Variants in NEGR1 observed in about 807,000 individuals in gnomAD.
The protein encoded by NEGR1 is neuronal growth regulator 1, also known as IgLON family member 4.
NEGR1 carries 10 observed loss-of-function variants against 40.9 expected under a neutral mutation model. The observed-to-expected ratio is 0.24, with a 90% confidence interval of 0.15 to 0.42. NEGR1 has a LOEUF of 0.42. Ranked by LOEUF, NEGR1 falls within the 10% of genes least tolerant of loss-of-function variation. The pLI, the probability that NEGR1 is intolerant of heterozygous loss-of-function variation, is 1.00. For missense variants in NEGR1, 352 were observed against 438.9 expected, an observed-to-expected ratio of 0.80 and a Z score of 1.77; for synonymous variants, 185 against 166.8, an observed-to-expected ratio of 1.11 and a Z score of -0.84.
intron 4 of NEGR1, among the ~76,000 whole-genome samples, chr1:71,646,403 A>G (rs1167830427): frequency 6.6e-6 from 1 of 151,842 alleles, no homozygotes; most frequent in Non-Finnish European, 1.5e-5. Context: ...GGCTCTGAAT[A>G]TAACTGACCT....
chr1:71,981,318 A>G (rs1182689738), intron 1 of NEGR1, among the ~76,000 whole-genome samples: 2 of 152,154 alleles, frequency 1.3e-5, no homozygotes, highest in Non-Finnish European at 2.9e-5. Flanking sequence ...AGCAGAGGAT[A>G]CAATGCCCAG....
intron 3 of NEGR1, 31 bp downstream of exon 3, chr1:71,776,141 C>T (rs770498219): frequency 1.9e-6 from 3 of 1,576,826 alleles, no homozygotes; most frequent in Non-Finnish European, 2.6e-6. Flanking sequence ...AAATGAACAG[C>T]ACAAACAACA....
At chr1:72,086,777 T>G (rs1028192509) in intron 1 of NEGR1, among the ~76,000 whole-genome samples, 8 of 152,334 alleles carry the variant, frequency 5.3e-5, no homozygotes, top group African/African-American at 1.9e-4. Context: ...CGTGTTATAT[T>G]TATTATGATA....
At chr1:72,155,817 G>A (rs778188338) in intron 1 of NEGR1, among the ~76,000 whole-genome samples, 2 of 152,078 alleles carry the variant, frequency 1.3e-5, no homozygotes, top group Non-Finnish European at 2.9e-5. Context: ...TGATCATAAA[G>A]GCAATGTGAC....
At chr1:72,067,312 G>C (rs1352056581) in intron 1 of NEGR1, among the ~76,000 whole-genome samples, 3 of 151,978 alleles carry the variant, frequency 2.0e-5, no homozygotes, top group Non-Finnish European at 4.4e-5. Flanking sequence ...CCCTTAATGA[G>C]TGTTCTGCTC....
intron 6 of NEGR1, among the ~76,000 whole-genome samples, chr1:71,580,666 G>A (rs978729658): frequency 5.9e-5 from 9 of 152,046 alleles, no homozygotes; most frequent in African/African-American, 1.9e-4. Flanking sequence ...AGTTATATAA[G>A]AGGATAAAGA....
rs183644427 is a variant in NEGR1 at position 72,260,477 on chromosome 1, A to C, written c.176+21842T>G. On this transcript the variant is annotated intron_variant, in intron 1 of 6. Coordinates refer to ENST00000357731, the MANE Select transcript of NEGR1 (RefSeq NM_173808.3). ...TTTAGAATACACACATTTTATAAAA[A>C]TAAGTCCTCAAACCATTCTATAAAA... Among the ~76,000 whole-genome samples, 647 of 152,226 alleles carry C rather than the reference A, an allele frequency of 4.3e-3. 3 individuals are homozygous for C. Among genetic ancestry groups the C allele is most frequent in the South Asian group, 7.2e-3 (35 of 4,832 alleles).
At chr1:71,846,288 G>A (rs1266470139) in intron 2 of NEGR1, among the ~76,000 whole-genome samples, 1 of 151,928 alleles carries the variant, frequency 6.6e-6, no homozygotes, top group Non-Finnish European at 1.5e-5. Flanking sequence ...CTAGGAGTCC[G>A]ATTAGCCACA....
intron 1 of NEGR1, among the ~76,000 whole-genome samples, chr1:71,984,735 T>C (rs944614111): frequency 1.8e-4 from 28 of 152,254 alleles, no homozygotes; most frequent in African/African-American, 6.5e-4. Flanking sequence ...AGTAAATATC[T>C]TAATATTATT....
chr1:72,056,855 A>G (rs1647115446), intron 1 of NEGR1, among the ~76,000 whole-genome samples: 1 of 151,534 alleles, frequency 6.6e-6, no homozygotes, highest in African/African-American at 2.4e-5. Flanking sequence ...TTAATCACTG[A>G]TATCTACTAA....
intron 6 of NEGR1, among the ~76,000 whole-genome samples, chr1:71,560,429 T>TTTTATATATATATATATATA (rs1553150203): frequency 3.5e-5 from 4 of 114,266 alleles, no homozygotes; most frequent in African/African-American, 6.0e-5. Context: ...TAATTCTCCA[T>TTTTATATATATATATATATA]TATATATATA....
chr1:72,116,474 G>A (rs569831983), intron 1 of NEGR1, among the ~76,000 whole-genome samples: 5 of 151,648 alleles, frequency 3.3e-5, no homozygotes. Context: ...AGTCATATGC[G>A]GACTTCATGA....
intron 1 of NEGR1, among the ~76,000 whole-genome samples, chr1:72,004,898 T>A (rs1646592769): frequency 6.6e-6 from 1 of 152,082 alleles, no homozygotes; most frequent in South Asian, 2.1e-4. Flanking sequence ...AGAATTGAAA[T>A]CTTACAATTC....
At chr1:71,894,271 C>T (rs1261659409) in intron 2 of NEGR1, among the ~76,000 whole-genome samples, 1 of 147,982 alleles carries the variant, frequency 6.8e-6, no homozygotes, top group Non-Finnish European at 1.5e-5. Context: ...AAGTCAAGAA[C>T]ACAAGACTTT....
At chr1:71,685,937 G>A (rs1338613575) in intron 4 of NEGR1, among the ~76,000 whole-genome samples, 1 of 130,384 alleles carries the variant, frequency 7.7e-6, no homozygotes, top group Non-Finnish European at 1.6e-5. Flanking sequence ...ACTATTGTCA[G>A]AAAAGTTTAT....
intron 3 of NEGR1, among the ~76,000 whole-genome samples, chr1:71,705,434 C>T (rs886907240): frequency 6.6e-6 from 1 of 152,164 alleles, no homozygotes; most frequent in Non-Finnish European, 1.5e-5. Flanking sequence ...AAAACTTTTG[C>T]TTTGGAAAAG....
intron 6 of NEGR1, among the ~76,000 whole-genome samples, chr1:71,567,773 G>A (rs1570042275): frequency 6.6e-6 from 1 of 152,030 alleles, no homozygotes; most frequent in East Asian, 1.9e-4. Context: ...GAGGGTATTA[G>A]GAACTGGGGT....
At chr1:72,130,141 A>G (rs1650187017) in intron 1 of NEGR1, among the ~76,000 whole-genome samples, 1 of 152,168 alleles carries the variant, frequency 6.6e-6, no homozygotes, top group African/African-American at 2.4e-5. Flanking sequence ...ATGGTCCTCC[A>G]ATTACTTACG....
chr1:72,022,617 G>A (rs1646771262), intron 1 of NEGR1, among the ~76,000 whole-genome samples: 1 of 151,328 alleles, frequency 6.6e-6, no homozygotes, highest in African/African-American at 2.4e-5. Context: ...GGCTACAATA[G>A]ATATTGTCAA....
Sources: allele counts gnomAD v4.1 joint callset (sites outside exome capture counted in the v4.1 genomes callset), GRCh38; gene constraint gnomAD v4.1.1; transcripts MANE v1.5; gene names NCBI Gene and HGNC (gene_info 2026-07-23, HGNC 2026-07-21).